The following RABGAP1 variants were observed in gnomAD, a reference collection of about 807,000 sequenced individuals.
The protein encoded by RABGAP1 is rab GTPase-activating protein 1.
In RABGAP1, 23 loss-of-function variants were observed where a neutral mutation model predicts 137.6. The ratio of observed to expected loss-of-function variants is 0.17; its 90% CI spans 0.12 to 0.24. The LOEUF (loss-of-function observed/expected upper bound fraction) is 0.24. Among genes scored for constraint, RABGAP1 ranks in the 10% least tolerant of loss-of-function variants. The pLI, the probability that RABGAP1 is intolerant of heterozygous loss-of-function variation, is 1.00. For missense variants in RABGAP1, 906 were observed against 1,275.8 expected, an observed-to-expected ratio of 0.71 and a Z score of 4.42; for synonymous variants, 451 against 450.7, an observed-to-expected ratio of 1.00 and a Z score of -0.01.
intron 2 of RABGAP1, among the ~76,000 whole-genome samples, chr9:122,978,861 T>C (rs1315291333): frequency 6.6e-6 from 1 of 151,020 alleles, no homozygotes; most frequent in African/African-American, 2.4e-5. Flanking sequence ...CAGAGTTGTT[T>C]TGAATTTTAG....
chr9:123,022,087 G>T (rs141862728), intron 13 of RABGAP1, among the ~76,000 whole-genome samples: 256 of 152,242 alleles, frequency 1.7e-3, no homozygotes, highest in African/African-American at 5.8e-3. Context: ...ATTTTCTTTT[G>T]TTGGCAAATC....
intron 13 of RABGAP1, among the ~76,000 whole-genome samples, chr9:123,046,597 A>C (rs1003212934): frequency 7.2e-5 from 11 of 152,188 alleles, no homozygotes; most frequent in Admixed American, 2.0e-4. Flanking sequence ...GAGTATTGTA[A>C]AGATTAAATG....
chr9:123,099,000 G>A (rs2035265553), intron 23 of RABGAP1, among the ~76,000 whole-genome samples: 1 of 152,086 alleles, frequency 6.6e-6, no homozygotes, highest in African/African-American at 2.4e-5. Flanking sequence ...AGGTTGTTAC[G>A]AGGATTTAAA....
intron 13 of RABGAP1, among the ~76,000 whole-genome samples, chr9:123,058,335 A>T (rs541801760): frequency 8.6e-5 from 13 of 151,832 alleles, no homozygotes; most frequent in South Asian, 2.1e-4. Flanking sequence ...GCAAAAAAAA[A>T]TTTTTCTAAA....
intron 1 of RABGAP1, among the ~76,000 whole-genome samples, chr9:122,943,908 G>A (rs933534439): frequency 1.3e-5 from 2 of 152,010 alleles, no homozygotes; most frequent in Admixed American, 1.3e-4. Flanking sequence ...AGCCAAGATC[G>A]CACCACTGCA....
At chr9:123,001,474 T>C (rs554778358) in intron 10 of RABGAP1, among the ~76,000 whole-genome samples, 1 of 152,340 alleles carries the variant, frequency 6.6e-6, no homozygotes, top group African/African-American at 2.4e-5. Context: ...AAGTTAGCCC[T>C]ATTGGGTATA....
rs748262619 is a variant in RABGAP1 at position 122,997,378 on chromosome 9, A to T, written c.1204+17A>T. 3.9e-6 allele frequency: 6 copies of T among 1,539,400 alleles called. No individual in the cohort carries two copies. The East Asian group carries it at 1.4e-4, about 35-fold the overall frequency. On this transcript the variant is annotated intron_variant, in intron 9 of 25. Transcript: ENST00000373647. ...CTCCTAAAGGTGATACAGATTGTTG[A>T]CATCATGAACAGAAATTTTAGTCTC... is the stretch of plus-strand genomic sequence containing the variant.
intron 8 of RABGAP1, 109 bp from the exon 9 acceptor site, chr9:122,997,150 C>G (rs1431787638): frequency 1.2e-5 from 9 of 735,480 alleles, no homozygotes; most frequent in Admixed American, 2.8e-5. Flanking sequence ...TTATCCTCTT[C>G]CATATTCTTA....
At chr9:123,050,839 A>G (rs776266959) in intron 13 of RABGAP1, among the ~76,000 whole-genome samples, 3 of 152,196 alleles carry the variant, frequency 2.0e-5, no homozygotes, top group Non-Finnish European at 4.4e-5. Flanking sequence ...ATGGGGAAAA[A>G]TATGTATAAT....
intron 17 of RABGAP1, among the ~76,000 whole-genome samples, chr9:123,074,696 T>C (rs959635237): frequency 6.6e-6 from 1 of 152,226 alleles, no homozygotes; most frequent in African/African-American, 2.4e-5. Flanking sequence ...AAACCCAAAG[T>C]AACAGTGATT....
chr9:122,978,990 C>G (rs1419441279), intron 2 of RABGAP1, among the ~76,000 whole-genome samples: 1 of 152,012 alleles, frequency 6.6e-6, no homozygotes, highest in African/African-American at 2.4e-5. Context: ...CCTCAACCTC[C>G]TGGGTTCAAG....
intron 1 of RABGAP1, among the ~76,000 whole-genome samples, chr9:122,942,822 T>TGGG: frequency 6.6e-6 from 1 of 152,144 alleles, no homozygotes; most frequent in Non-Finnish European, 1.5e-5. Context: ...GTAATTTTAA[T>TGGG]TCAAGATATT....
intron 15 of RABGAP1, among the ~76,000 whole-genome samples, chr9:123,071,819 A>T (rs1180178540): frequency 1.3e-5 from 2 of 152,170 alleles, no homozygotes; most frequent in Non-Finnish European, 2.9e-5. Flanking sequence ...TAGAGTGTTA[A>T]TGGGAAAGTG....
intron 1 of RABGAP1, among the ~76,000 whole-genome samples, chr9:122,956,658 A>AT (rs1283424642): frequency 6.6e-6 from 1 of 151,780 alleles, no homozygotes; most frequent in Non-Finnish European, 1.5e-5. Flanking sequence ...TCAAAAAAAA[A>AT]AAAAAAAAAT....
chr9:122,989,506 A>G lies in RABGAP1; in HGVS notation c.765+35A>G, dbSNP rs1320014669. 1.9e-6 allele frequency: 3 copies of G among 1,592,332 alleles called. No individual in the cohort carries two copies. In the Admixed American group the frequency reaches 5.0e-5, roughly 27 times the overall value. On this transcript the variant is annotated intron_variant, in intron 5 of 25. Coordinates refer to ENST00000373647, the MANE Select transcript of RABGAP1 (RefSeq NM_012197.4). ...CAAGAGAAAACTCTCTGCAAATGAA[A>G]CTTCACCAGTGCCCTCACTAGGTTG...
rs2034079946 is a variant in RABGAP1 at position 123,064,034 on chromosome 9, A to ACTCGCT, written c.1795-1310_1795-1305dup. Among the ~76,000 whole-genome samples, 3 of 151,586 alleles carry ACTCGCT rather than the reference A, an allele frequency of 2.0e-5. 1 individual carries two copies. Among genetic ancestry groups the ACTCGCT allele is most frequent in the African/African-American group, 7.3e-5 (3 of 41,314 alleles). The stretch of plus-strand genomic sequence containing the variant: ...CCAAAATTTGTGTGCGTGCTCTCTC[A>ACTCGCT]CTCGCTCTCACTCTCACTCTCGCTC... On this transcript the variant is annotated intron_variant, in intron 13 of 25. Transcript: ENST00000373647.
chr9:122,954,374 A>T (rs1447855476), intron 1 of RABGAP1, among the ~76,000 whole-genome samples: 1 of 152,202 alleles, frequency 6.6e-6, no homozygotes, highest in East Asian at 1.9e-4. Flanking sequence ...GTTTTGATAA[A>T]CCTCATTCCT....
At chr9:122,997,990 A>T (rs1223497433) in intron 9 of RABGAP1, among the ~76,000 whole-genome samples, 1 of 152,216 alleles carries the variant, frequency 6.6e-6, no homozygotes. Context: ...AAATTTAAAA[A>T]TTGAGAAGTT....
At chr9:123,004,430 G>GTGCA (rs2030023380) in intron 10 of RABGAP1, among the ~76,000 whole-genome samples, 1 of 151,980 alleles carries the variant, frequency 6.6e-6, no homozygotes, top group Non-Finnish European at 1.5e-5. Flanking sequence ...TGGGATCAAG[G>GTGCA]TGCACTACCA....
Sources: gnomAD v4.1 joint callset for allele counts (sites outside exome capture counted in the v4.1 genomes callset) on GRCh38, gnomAD v4.1.1 for gene constraint, MANE v1.5 for transcripts, NCBI Gene and HGNC (gene_info 2026-07-23, HGNC 2026-07-21) for gene names.